Variants in LGSN observed in about 807,000 individuals in gnomAD.
The protein encoded by LGSN is lengsin.
A neutral mutation model predicts 19.5 loss-of-function variants in LGSN; 21 were observed. The observed-to-expected ratio is 1.07, with a 90% CI of 0.76 to 1.55. LGSN has a LOEUF of 1.55. Among genes scored for constraint, LGSN ranks in the 40% most tolerant of loss-of-function variants. The pLI is 0.00. For missense variants in LGSN, 673 were observed against 608.5 expected, an observed-to-expected ratio of 1.11 and a Z score of -1.12; for synonymous variants, 257 against 215.6, an observed-to-expected ratio of 1.19 and a Z score of -1.68.
chr6:63,362,002 T>A, the LGSN span, among the ~76,000 whole-genome samples: 14 of 152,308 alleles, frequency 9.2e-5, no homozygotes, highest in Admixed American at 6.5e-4. Flanking sequence ...GTAAAACTAT[T>A]TGTGTTGACA....
the LGSN span, among the ~76,000 whole-genome samples, chr6:63,349,002 T>C: frequency 2.0e-5 from 3 of 152,154 alleles, no homozygotes; most frequent in African/African-American, 7.2e-5. Flanking sequence ...CAATCGAGAA[T>C]TGTTCCTGTA....
chr6:63,483,794 CT>C, the LGSN span, among the ~76,000 whole-genome samples: 1 of 151,704 alleles, frequency 6.6e-6, no homozygotes, highest in Non-Finnish European at 1.5e-5. Flanking sequence ...ATTTTCTCTT[CT>C]TTTTTCCTTT....
chr6:63,449,757 A>C, the LGSN span, among the ~76,000 whole-genome samples: 6 of 152,172 alleles, frequency 3.9e-5, no homozygotes, highest in Non-Finnish European at 7.4e-5. Context: ...TTTCAGGATA[A>C]AATAGTGGTT....
At chr6:63,480,437 T>A in the LGSN span, 1 of 184,264 alleles carries the variant, frequency 5.4e-6, no homozygotes, top group Admixed American at 5.3e-5. Context: ...CAATGACATT[T>A]ATCTATTTGG....
At chr6:63,407,991 C>T in the LGSN span, among the ~76,000 whole-genome samples, 74 of 152,206 alleles carry the variant, frequency 4.9e-4, 1 homozygote, top group African/African-American at 1.8e-3. Context: ...AGGACCTCTT[C>T]AAGGAGAACT....
At chr6:63,371,684 C>G in the LGSN span, among the ~76,000 whole-genome samples, 1 of 152,142 alleles carries the variant, frequency 6.6e-6, no homozygotes, top group African/African-American at 2.4e-5. Context: ...CAAAATAACA[C>G]ATTTTCTTAG....
the LGSN span, among the ~76,000 whole-genome samples, chr6:63,412,434 GAAAGAAAGCA>G: frequency 1.6e-5 from 2 of 129,024 alleles, no homozygotes; most frequent in East Asian, 2.1e-4. Context: ...AAGAAAGAAA[GAAAGAAAGCA>G]AGAAAGAAAG....
the LGSN span, among the ~76,000 whole-genome samples, chr6:63,459,429 C>G: frequency 2.0e-5 from 3 of 151,980 alleles, no homozygotes; most frequent in Non-Finnish European, 4.4e-5. Context: ...TTTAAATTTT[C>G]AATCTATTCA....
chr6:63,478,637 C>CA, the LGSN span, among the ~76,000 whole-genome samples: 1 of 152,194 alleles, frequency 6.6e-6, no homozygotes, highest in African/African-American at 2.4e-5. Context: ...TCACCACCCC[C>CA]ATGTACGGCT....
the LGSN span, among the ~76,000 whole-genome samples, chr6:63,453,034 A>G: frequency 6.6e-6 from 1 of 152,102 alleles, no homozygotes; most frequent in Non-Finnish European, 1.5e-5. Flanking sequence ...TAACTATGGT[A>G]TCTTCTTTGA....
At chr6:63,549,056 T>C in the LGSN span, 1 of 721,072 alleles carries the variant, frequency 1.4e-6, no homozygotes. Context: ...CCGGCTGAGC[T>C]TTCTTATTCT....
the LGSN span, among the ~76,000 whole-genome samples, chr6:63,516,236 T>A: frequency 8.5e-5 from 13 of 152,336 alleles, no homozygotes; most frequent in African/African-American, 3.1e-4. Context: ...CTAAATTTTT[T>A]GAATCCACCT....
chr6:63,307,207 AT>A (rs1768425897), intron 1 of LGSN, among the ~76,000 whole-genome samples: 1 of 152,166 alleles, frequency 6.6e-6, no homozygotes. Context: ...AGTCTGAAAA[AT>A]ATCCCATGTG....
chr6:63,572,261 C>T, the LGSN span: 1 of 180,260 alleles, frequency 5.5e-6, no homozygotes, highest in Non-Finnish European at 1.2e-5. Flanking sequence ...GCACTCCCGG[C>T]AGCCCCTTCC....
At chr6:63,335,667 A>G in the LGSN span, among the ~76,000 whole-genome samples, 53 of 152,282 alleles carry the variant, frequency 3.5e-4, no homozygotes, top group African/African-American at 1.3e-3. Flanking sequence ...AATAAATAAC[A>G]TGTTGAAGAG....
the LGSN span, among the ~76,000 whole-genome samples, chr6:63,452,467 T>C: frequency 6.6e-6 from 1 of 152,212 alleles, no homozygotes; most frequent in Non-Finnish European, 1.5e-5. Context: ...TGGATTTTAT[T>C]AGGCTATTCA....
the LGSN span, among the ~76,000 whole-genome samples, chr6:63,420,781 T>TA: frequency 1.3e-5 from 2 of 151,950 alleles, no homozygotes; most frequent in African/African-American, 2.4e-5. Flanking sequence ...AAAAGGAATG[T>TA]AAAAAAAAGA....
chr6:63,340,329 T>A, the LGSN span, among the ~76,000 whole-genome samples: 4 of 152,126 alleles, frequency 2.6e-5, no homozygotes, highest in Admixed American at 2.0e-4. Context: ...TGGGAAGTTT[T>A]CAGTTATTAT....
chr6:63,351,920 G>A, the LGSN span, among the ~76,000 whole-genome samples: 3 of 152,122 alleles, frequency 2.0e-5, no homozygotes, highest in African/African-American at 7.2e-5. Context: ...CAATATATCA[G>A]AGAACATTTA....
Sources: gnomAD v4.1 joint callset for allele counts (sites outside exome capture counted in the v4.1 genomes callset) on GRCh38, gnomAD v4.1.1 for gene constraint, MANE v1.5 for transcripts, NCBI Gene and HGNC (gene_info 2026-07-23, HGNC 2026-07-21) for gene names.